Variants in ANKRD13C observed in about 807,000 individuals in gnomAD.
The protein encoded by ANKRD13C is ankyrin repeat domain 13C, also known as ankyrin repeat domain-containing protein 13C.
A neutral mutation model predicts 65.5 loss-of-function variants in ANKRD13C; 16 were observed. The ratio of observed to expected loss-of-function variants is 0.24; its 90% CI spans 0.17 to 0.37. The LOEUF is 0.37. ANKRD13C is among the 10% of genes least tolerant of loss of function. The pLI, the probability that ANKRD13C is intolerant of heterozygous loss-of-function variation, is 1.00. For missense variants in ANKRD13C, 503 were observed against 655.9 expected (o/e 0.77, Z 2.55); for synonymous variants, 235 against 238.7 (o/e 0.98, Z 0.14).
chr1:70,312,529 A>T (rs1680892974), intron 5 of ANKRD13C, among the ~76,000 whole-genome samples: 1 of 152,158 alleles, frequency 6.6e-6, no homozygotes, highest in South Asian at 2.1e-4. Context: ...ATAGAGCCAC[A>T]GAATGTAGAA....
intron 9 of ANKRD13C, among the ~76,000 whole-genome samples, chr1:70,288,458 T>C (rs927191765): frequency 6.6e-6 from 1 of 152,218 alleles, no homozygotes; most frequent in Non-Finnish European, 1.5e-5. Flanking sequence ...TTTTTGCAGC[T>C]TAATTCATTA....
At chr1:70,336,577 A>C (rs921467096) in intron 1 of ANKRD13C, among the ~76,000 whole-genome samples, 9 of 152,196 alleles carry the variant, frequency 5.9e-5, no homozygotes, top group Admixed American at 5.2e-4. Context: ...GGCAGAGCTC[A>C]TAACTTTGCA....
chr1:70,313,875 T>A, intron 4 of ANKRD13C, 85 bp from the exon 5 acceptor site: 2 of 920,452 alleles, frequency 2.2e-6, no homozygotes, highest in Non-Finnish European at 1.8e-6. Flanking sequence ...CCTTAAAACA[T>A]TATAATACAT....
chr1:70,281,396 CTTTTTTTTTTT>C (rs71583111), intron 9 of ANKRD13C, among the ~76,000 whole-genome samples: 1 of 85,340 alleles, frequency 1.2e-5, no homozygotes, highest in Non-Finnish European at 2.3e-5. Flanking sequence ...TGACTAAATT[CTTTTTTTTTTT>C]TTTTTTTTTT....
At chr1:70,332,960 C>G (rs888777030) in intron 2 of ANKRD13C, among the ~76,000 whole-genome samples, 1 of 152,088 alleles carries the variant, frequency 6.6e-6, no homozygotes, top group African/African-American at 2.4e-5. Context: ...TACTAAAGTG[C>G]TAAATTAGGA....
intron 1 of ANKRD13C, among the ~76,000 whole-genome samples, chr1:70,344,214 C>G (rs2101622098): frequency 6.7e-6 from 1 of 148,824 alleles, no homozygotes. Context: ...ACGAGAATTG[C>G]TTAAACCGGG....
At chr1:70,277,758 G>A (rs1204454673) in intron 9 of ANKRD13C, among the ~76,000 whole-genome samples, 3 of 152,044 alleles carry the variant, frequency 2.0e-5, no homozygotes, top group Admixed American at 1.3e-4. Context: ...AGTTCAAAAC[G>A]GAGATCAACA....
At chr1:70,308,248 A>C (rs1379783846) in intron 5 of ANKRD13C, among the ~76,000 whole-genome samples, 3 of 152,122 alleles carry the variant, frequency 2.0e-5, no homozygotes, top group Non-Finnish European at 2.9e-5. Context: ...CTCCCACCTC[A>C]GCCTCCCAAA....
chr1:70,288,364 G>A (rs1679712801), intron 9 of ANKRD13C, among the ~76,000 whole-genome samples: 1 of 152,158 alleles, frequency 6.6e-6, no homozygotes, highest in Admixed American at 6.5e-5. Flanking sequence ...ACTACCATAT[G>A]ACATAGAAAC....
At position 70,335,202 on chromosome 1, in the gene ANKRD13C, C is replaced by G. The variant is rs765548111; in HGVS notation, c.472+856G>C. Among the ~76,000 whole-genome samples the G allele has an allele frequency of 2.6e-5, 4 of 151,958 alleles. No homozygotes were observed. In the East Asian group the frequency reaches 7.7e-4, roughly 29 times the overall value. ...CAGGCGGATCATGAGGTCAGGAGAT[C>G]GAGACCAGACTGGCCAACATGGTGA... On this transcript the variant is annotated intron_variant, in intron 2 of 12. Transcript: ENST00000370944.
At chr1:70,284,211 AC>A (rs1273657488) in intron 9 of ANKRD13C, among the ~76,000 whole-genome samples, 1 of 152,128 alleles carries the variant, frequency 6.6e-6, no homozygotes, top group South Asian at 2.1e-4. Context: ...ACAAGAAGAA[AC>A]CCAAAAGCTA....
intron 9 of ANKRD13C, among the ~76,000 whole-genome samples, chr1:70,279,881 T>A (rs1403726263): frequency 6.6e-6 from 1 of 152,184 alleles, no homozygotes; most frequent in Non-Finnish European, 1.5e-5. Flanking sequence ...CCCTTATAAA[T>A]CTGTCTTTTG....
At chr1:70,270,622 T>C (rs1678836769) in intron 12 of ANKRD13C, among the ~76,000 whole-genome samples, 1 of 152,124 alleles carries the variant, frequency 6.6e-6, no homozygotes, top group Non-Finnish European at 1.5e-5. Flanking sequence ...ATAGGGTTCA[T>C]GTTCCTACAA....
At position 70,319,607 on chromosome 1, in the gene ANKRD13C, C is replaced by CAAA. The variant is rs1180827448; in HGVS notation, c.578-4044_578-4042dup. ...GAGCAACAAGAGGGAAACTCCATCT[C>CAAA]AAAAAAAAAAAGAAACCAAATACAT... On this transcript the variant is annotated intron_variant, in intron 3 of 12. Coordinates refer to ENST00000370944, the MANE Select transcript of ANKRD13C (RefSeq NM_030816.5). Among the ~76,000 whole-genome samples, 32 of 121,168 alleles carry CAAA rather than the reference C, an allele frequency of 2.6e-4. No homozygotes were observed. In the South Asian group the frequency reaches 5.4e-3, roughly 21 times the overall value. 79.5% of individuals were successfully genotyped at this position (121,168 alleles called of 152,430 possible). A position where few individuals can be genotyped will look rare whatever the true frequency, so the allele number is the denominator to read the frequency against.
chr1:70,351,302 T>C (rs1293950507), intron 1 of ANKRD13C, among the ~76,000 whole-genome samples: 1 of 152,252 alleles, frequency 6.6e-6, no homozygotes, highest in East Asian at 1.9e-4. Flanking sequence ...CATGGTATAA[T>C]TGTCTGGCTC....
chr1:70,343,727 TTAGCAAAAC>T (rs1451433312), intron 1 of ANKRD13C, among the ~76,000 whole-genome samples: 1 of 152,136 alleles, frequency 6.6e-6, no homozygotes, highest in Non-Finnish European at 1.5e-5. Flanking sequence ...GGGATGGAGT[TTAGCAAAAC>T]TATGTTGGCC....
At position 70,337,446 on chromosome 1, in the gene ANKRD13C, G is replaced by A. The variant is rs189662827; in HGVS notation, c.431-1347C>T. On this transcript the variant is annotated intron_variant, in intron 1 of 12. Transcript: ENST00000370944. ...AATACAAAAATTAACCAGGCGTGGT[G>A]GCACCCGCCTGTGATCCCAGCTACT... Among the ~76,000 whole-genome samples, 402 of 152,150 alleles carry A rather than the reference G, an allele frequency of 2.6e-3. 2 individuals are homozygous for A. The highest frequency in any genetic ancestry group is 9.3e-3 in the African/African-American group (388 of 41,510).
chr1:70,311,579 C>T (rs1048091438), intron 5 of ANKRD13C, among the ~76,000 whole-genome samples: 1 of 152,056 alleles, frequency 6.6e-6, no homozygotes, highest in Non-Finnish European at 1.5e-5. Context: ...TAGCTATGTA[C>T]ACAAACACTT....
chr1:70,317,855 G>T (rs12745654), intron 3 of ANKRD13C, among the ~76,000 whole-genome samples: 2 of 149,662 alleles, frequency 1.3e-5, no homozygotes, highest in African/African-American at 5.1e-5. Flanking sequence ...AGATAAAAAG[G>T]GTCTTTCAAT....
Sources: gnomAD v4.1 joint callset for allele counts (sites outside exome capture counted in the v4.1 genomes callset) on GRCh38, gnomAD v4.1.1 for gene constraint, MANE v1.5 for transcripts, NCBI Gene and HGNC (gene_info 2026-07-23, HGNC 2026-07-21) for gene names.